Variants in CDK13 observed in about 807,000 individuals in gnomAD.
The protein encoded by CDK13 is cyclin-dependent kinase 13.
Under a neutral mutation model 137.6 loss-of-function variants are expected in CDK13, and 40 were observed. The ratio of observed to expected loss-of-function variants is 0.29; its 90% confidence interval spans 0.23 to 0.38. CDK13 has a LOEUF of 0.38. Among genes scored for constraint, CDK13 ranks in the 10% least tolerant of loss-of-function variants. The pLI, the probability that CDK13 is intolerant of heterozygous loss-of-function variation, is 1.00. For missense variants in CDK13, 1,704 were observed against 1,951.8 expected, an observed-to-expected ratio of 0.87 and a Z score of 2.39; for synonymous variants, 869 against 760.1, an observed-to-expected ratio of 1.14 and a Z score of -2.36.
Position 40,095,704 on chromosome 7 carries a change from AAAT to A in CDK13, c.*726_*728del, listed in dbSNP as rs1309785127. The A allele has an allele frequency of 1.3e-5, 2 of 152,162 alleles. No homozygotes were observed. Among genetic ancestry groups the A allele is most frequent in the Non-Finnish European group, 2.9e-5 (2 of 68,026 alleles). The allele number at this position is 152,162 out of a possible 1,614,324, so 9.4% of individuals were successfully genotyped here. A position where few individuals can be genotyped will look rare whatever the true frequency, so the allele number is the denominator to read the frequency against. On this transcript the variant is annotated 3_prime_UTR_variant, in exon 14 of 14. Transcript: ENST00000181839. ...AACAGGTAAGCTTAAGGTCTGAAAA[AAAT>A]AGTTAACTTTTACCCCCATTTGTCT...
chr7:39,974,357 C>T (rs750523100), intron 1 of CDK13, among the ~76,000 whole-genome samples: 15 of 152,102 alleles, frequency 9.9e-5, no homozygotes, highest in South Asian at 2.1e-4. Flanking sequence ...TGAGCCAGCG[C>T]GCCTGGCCAG....
chr7:40,074,581 G>A (rs1311381008), intron 9 of CDK13, among the ~76,000 whole-genome samples: 1 of 151,806 alleles, frequency 6.6e-6, no homozygotes, highest in South Asian at 2.1e-4. Context: ...TTAAGGCTGG[G>A]CTCAGTGGCT....
intron 5 of CDK13, among the ~76,000 whole-genome samples, chr7:40,012,008 T>TG (rs1368117843): frequency 6.6e-6 from 1 of 152,194 alleles, no homozygotes; most frequent in African/African-American, 2.4e-5. Context: ...GATATGCAGA[T>TG]GGCCAATAAG....
chr7:40,008,280 T>C (rs1027404905), intron 5 of CDK13, among the ~76,000 whole-genome samples: 15 of 152,256 alleles, frequency 9.9e-5, no homozygotes, highest in African/African-American at 3.6e-4. Context: ...GCACTATTCA[T>C]GTTCCAAGTG....
chr7:39,966,200 T>C (rs1783866910), intron 1 of CDK13, among the ~76,000 whole-genome samples: 2 of 152,230 alleles, frequency 1.3e-5, no homozygotes, highest in Admixed American at 1.3e-4. Flanking sequence ...CTGGATAATA[T>C]CCTGCAGAGT....
At chr7:40,038,389 AATGATAGAT>A (rs1385156608) in intron 5 of CDK13, among the ~76,000 whole-genome samples, 1 of 152,196 alleles carries the variant, frequency 6.6e-6, no homozygotes, top group Non-Finnish European at 1.5e-5. Context: ...CTAGTTTCCT[AATGATAGAT>A]ATTTTCATTG....
chr7:40,089,698 TAG>T (rs58490010), intron 12 of CDK13, among the ~76,000 whole-genome samples: 6,368 of 140,396 alleles, frequency 0.045, 400 homozygotes, highest in African/African-American at 0.15. Flanking sequence ...TGATATAAAA[TAG>T]AGAGAGAGAG....
intron 7 of CDK13, among the ~76,000 whole-genome samples, chr7:40,057,101 A>G (rs1786036367): frequency 1.3e-5 from 2 of 152,138 alleles, no homozygotes; most frequent in African/African-American, 4.8e-5. Flanking sequence ...CTAAAACTAC[A>G]AAAATTAGCT....
chr7:40,068,386 C>G (rs1190109369), intron 9 of CDK13, among the ~76,000 whole-genome samples: 1 of 151,432 alleles, frequency 6.6e-6, no homozygotes, highest in Admixed American at 6.6e-5. Flanking sequence ...TTATAGCATG[C>G]TGTACTGTTA....
intron 2 of CDK13, among the ~76,000 whole-genome samples, chr7:39,994,786 C>T (rs1784527929): frequency 6.6e-6 from 1 of 151,972 alleles, no homozygotes; most frequent in African/African-American, 2.4e-5. Flanking sequence ...GCTTTTAGTT[C>T]TGGATCTCTG....
At chr7:40,012,149 C>G (rs183984447) in intron 5 of CDK13, among the ~76,000 whole-genome samples, 9 of 152,142 alleles carry the variant, frequency 5.9e-5, no homozygotes, top group Non-Finnish European at 1.2e-4. Flanking sequence ...CAAAAAAAAC[C>G]CTAGGAAATA....
At chr7:40,085,349 C>T (rs1368729718) in intron 11 of CDK13, among the ~76,000 whole-genome samples, 3 of 148,314 alleles carry the variant, frequency 2.0e-5, no homozygotes, top group Admixed American at 6.8e-5. Flanking sequence ...TGACAGAGCA[C>T]GAGAGCAAGA....
intron 1 of CDK13, chr7:39,952,075 C>G (rs1042882473): frequency 2.5e-6 from 1 of 398,936 alleles, no homozygotes; most frequent in African/African-American, 2.1e-5. Context: ...TTTCTCCTAG[C>G]TGTGGCAGGG....
chr7:40,077,716 C>T (rs1055681963), intron 9 of CDK13, among the ~76,000 whole-genome samples: 2 of 151,954 alleles, frequency 1.3e-5, no homozygotes, highest in East Asian at 1.9e-4. Context: ...CTAGCTGGGC[C>T]GTGGTGGCGC....
intron 6 of CDK13, 43 bp downstream of exon 6, chr7:40,046,068 A>G (rs745597560): frequency 9.1e-6 from 11 of 1,204,622 alleles, no homozygotes; most frequent in African/African-American, 3.1e-5. Context: ...GAGTTTTACC[A>G]TGGACATGTA....
At chr7:40,041,942 T>C (rs907088913) in intron 5 of CDK13, among the ~76,000 whole-genome samples, 2 of 152,264 alleles carry the variant, frequency 1.3e-5, no homozygotes, top group Non-Finnish European at 2.9e-5. Context: ...AAAAGTGTTA[T>C]ACAGTTGCTT....
intron 1 of CDK13, among the ~76,000 whole-genome samples, chr7:39,975,588 T>C (rs1047796069): frequency 6.6e-6 from 1 of 152,150 alleles, no homozygotes; most frequent in African/African-American, 2.4e-5. Context: ...ACAGAAACAT[T>C]TGAACAGTGT....
intron 5 of CDK13, among the ~76,000 whole-genome samples, chr7:40,031,232 G>C (rs948930666): frequency 6.6e-6 from 1 of 152,136 alleles, no homozygotes; most frequent in Non-Finnish European, 1.5e-5. Context: ...GATGAAATAT[G>C]ATGTTAAGGC....
At chr7:39,971,464 C>T (rs1783996997) in intron 1 of CDK13, among the ~76,000 whole-genome samples, 1 of 152,098 alleles carries the variant, frequency 6.6e-6, no homozygotes, top group African/African-American at 2.4e-5. Context: ...TTGCCATGAG[C>T]CAAGATCTTG....
Sources: allele counts gnomAD v4.1 joint callset (sites outside exome capture counted in the v4.1 genomes callset), GRCh38; gene constraint gnomAD v4.1.1; transcripts MANE v1.5; gene names NCBI Gene and HGNC (gene_info 2026-07-23, HGNC 2026-07-21).